GALNT9: variants seen among roughly 807,000 people sequenced by gnomAD.
GALNT9 encodes polypeptide N-acetylgalactosaminyltransferase 9.
GALNT9 carries 47 observed loss-of-function variants against 63.1 expected under a neutral mutation model. The observed-to-expected ratio is 0.75, with a 90% confidence interval of 0.59 to 0.95. The LOEUF (loss-of-function observed/expected upper bound fraction) is 0.95. Among genes scored for constraint, GALNT9 ranks in the 40% least tolerant of loss-of-function variants. The pLI, the probability that GALNT9 is intolerant of heterozygous loss-of-function variation, is 0.00. For missense variants in GALNT9, 829 were observed against 874.8 expected, an observed-to-expected ratio of 0.95 and a Z score of 0.66; for synonymous variants, 396 against 365.7, an observed-to-expected ratio of 1.08 and a Z score of -0.94.
chr12:132,198,038 G>T, intron 9 of GALNT9, 79 bp from the exon 10 acceptor site: 1 of 1,204,496 alleles, frequency 8.3e-7, no homozygotes, highest in Non-Finnish European at 1.2e-6. Flanking sequence ...CGTGCGAGCT[G>T]CCTTGAGCTG....
Position 132,230,805 on chromosome 12 carries a change from G to A in GALNT9, c.1077+17105C>T, listed in dbSNP as rs915794109. ...GGGTAACAGTCCGGGTTAATGGATC[G>A]ATTTATTTTGTTGGTGTTTCAGCCT... On this transcript the variant is annotated intron_variant, in intron 6 of 10. Transcript: ENST00000328957. 5.3e-5 allele frequency among the ~76,000 whole-genome samples: 8 copies of A among 152,328 alleles called. No individual in the cohort carries two copies. The East Asian group carries it at 7.7e-4, about 15-fold the overall frequency.
chr12:132,210,354 G>A (rs116385184), intron 6 of GALNT9, among the ~76,000 whole-genome samples: 4,920 of 152,332 alleles, frequency 0.032, 253 homozygotes, highest in African/African-American at 0.11. Context: ...TGTTCTTCTG[G>A]TCAAGGCAAG....
Position 132,238,586 on chromosome 12 carries a change from G to A in GALNT9, c.1077+9324C>T, listed in dbSNP as rs1878090088. Among the ~76,000 whole-genome samples, 1 of 152,180 alleles carries A rather than the reference G, an allele frequency of 6.6e-6. No homozygotes were observed. The highest frequency in any genetic ancestry group is 1.5e-5 in the Non-Finnish European group (1 of 68,012). ...GCTGCCCTAGGGATGGGGACTCCTG[G>A]CCTGGCTGACCTGCACCTGGGCCAG... On this transcript the variant is annotated intron_variant, in intron 6 of 10. Coordinates refer to ENST00000328957, the MANE Select transcript of GALNT9 (RefSeq NM_001122636.2). This position sits in a 1 kb window ranked among gnomAD's most constrained non-coding sequence, Gnocchi z 6.5.
intron 6 of GALNT9, among the ~76,000 whole-genome samples, chr12:132,227,949 G>A (rs1476029210): frequency 6.6e-6 from 1 of 152,252 alleles, no homozygotes; most frequent in Non-Finnish European, 1.5e-5. Context: ...CCTCCCTGCA[G>A]CCTGGAGGCC....
At position 132,236,308 on chromosome 12, in the gene GALNT9, C is replaced by T. The variant is rs2136894591; in HGVS notation, c.1077+11602G>A. Reference sequence around the variant, plus strand: ...GGCCATGGCCCTGGAGTGGGGGTCGCGGTGGGCCTGGGTCGGGGCCAAGGG... The same window carrying T: ...GGCCATGGCCCTGGAGTGGGGGTCGTGGTGGGCCTGGGTCGGGGCCAAGGG... On this transcript the variant is annotated intron_variant, in intron 6 of 10. Transcript: ENST00000328957. The surrounding 1 kb of genome is among the most constrained non-coding windows in gnomAD (Gnocchi z 5.6). Among the ~76,000 whole-genome samples the T allele has an allele frequency of 3.3e-5, 5 of 152,110 alleles. No homozygotes were observed. The highest frequency in any genetic ancestry group is 2.6e-4 in the Admixed American group (4 of 15,290).
At chr12:132,208,143 T>G (rs564519649) in intron 6 of GALNT9, among the ~76,000 whole-genome samples, 6 of 152,306 alleles carry the variant, frequency 3.9e-5, no homozygotes, top group Admixed American at 3.3e-4. Flanking sequence ...GTTTAACCCC[T>G]CTATAAATTT....
At chr12:132,287,583 C>A (rs531541801) in intron 1 of GALNT9, among the ~76,000 whole-genome samples, 2 of 152,126 alleles carry the variant, frequency 1.3e-5, no homozygotes, top group South Asian at 4.2e-4. Flanking sequence ...CCCGTGTGGC[C>A]GCCGGCGTGA....
intron 6 of GALNT9, among the ~76,000 whole-genome samples, chr12:132,218,159 C>T (rs1877296261): frequency 1.3e-5 from 2 of 152,222 alleles, no homozygotes; most frequent in African/African-American, 2.4e-5. Context: ...TCCATCCACC[C>T]ATCTGCATTA....
At chr12:132,323,766 T>G (rs1359683162) in intron 1 of GALNT9, among the ~76,000 whole-genome samples, 4 of 152,148 alleles carry the variant, frequency 2.6e-5, no homozygotes, top group African/African-American at 9.7e-5. Flanking sequence ...ATTTTTTCAG[T>G]TTTTGTAGTA....
intron 1 of GALNT9, among the ~76,000 whole-genome samples, chr12:132,304,670 GCCTCGCCCGGGCACAC>G (rs1771490890): frequency 7.7e-5 from 1 of 12,942 alleles, no homozygotes; most frequent in Non-Finnish European, 1.5e-4. Context: ...CCCGGGCACA[GCCTCGCCCGGGCACAC>G]CCTCGCCCAG....
In GALNT9 at chr12:132,286,071, C is replaced by T. The variant is rs530658251; in HGVS notation, c.419+179G>A. ...CAGCACGGGGGAGCGCTCACTTTCCCGGCCAGCGTGGGGGGCGGTCACTTC... is the reference window on the plus strand; with the variant it reads ...CAGCACGGGGGAGCGCTCACTTTCCTGGCCAGCGTGGGGGGCGGTCACTTC... On this transcript the variant is annotated intron_variant, in intron 2 of 10. Transcript: ENST00000328957. The surrounding 1 kb of genome is among the most constrained non-coding windows in gnomAD (Gnocchi z 7.4). 6.2e-4 allele frequency among the ~76,000 whole-genome samples: 94 copies of T among 151,734 alleles called. No homozygotes were observed. The highest frequency in any genetic ancestry group is 2.1e-3 in the African/African-American group (87 of 41,382).
chr12:132,313,231 A>G (rs1881879280), intron 1 of GALNT9, among the ~76,000 whole-genome samples: 1 of 111,562 alleles, frequency 9.0e-6, no homozygotes, highest in African/African-American at 3.5e-5. Context: ...CCACCTGCCC[A>G]TCCACCAACT....
chr12:132,309,930 G>C (rs549393989), intron 1 of GALNT9, among the ~76,000 whole-genome samples: 3 of 152,258 alleles, frequency 2.0e-5, no homozygotes, highest in Non-Finnish European at 4.4e-5. Flanking sequence ...GGCAGCGGGC[G>C]CAGGTGAAAC....
intron 10 of GALNT9, 54 bp from the exon 11 acceptor site, chr12:132,197,307 C>G (rs1469331167): frequency 1.9e-5 from 30 of 1,590,128 alleles, no homozygotes; most frequent in Non-Finnish European, 2.6e-5. Flanking sequence ...TGTTCCCCCT[C>G]CCCCCACCTC....
chr12:132,271,192 C>T (rs1206022973), intron 2 of GALNT9, among the ~76,000 whole-genome samples: 4 of 152,032 alleles, frequency 2.6e-5, no homozygotes, highest in South Asian at 2.1e-4. Flanking sequence ...GGCGGTCACA[C>T]GTGAACAGCC....
intron 1 of GALNT9, among the ~76,000 whole-genome samples, chr12:132,288,627 G>A (rs146546162): frequency 0.022 from 3,360 of 151,944 alleles, 44 homozygotes; most frequent in Middle Eastern, 0.092. Flanking sequence ...GATGCCCAGC[G>A]TTGGGGGCAG....
rs1878698449 is a variant in GALNT9 at position 132,246,100 on chromosome 12, G to A, written c.1077+1810C>T. ...CCACAGGGTGAGCATCAGGGGAGACGGTGAGAGAAGCCGACACCCGCGTGG... is the reference window on the plus strand; with the variant it reads ...CCACAGGGTGAGCATCAGGGGAGACAGTGAGAGAAGCCGACACCCGCGTGG... On this transcript the variant is annotated intron_variant, in intron 6 of 10. Coordinates refer to ENST00000328957, the MANE Select transcript of GALNT9 (RefSeq NM_001122636.2). The surrounding 1 kb of genome is among the most constrained non-coding windows in gnomAD (Gnocchi z 4.7). Among the ~76,000 whole-genome samples the A allele has an allele frequency of 6.6e-6, 1 of 152,360 alleles. No homozygotes were observed. The highest frequency in any genetic ancestry group is 2.4e-5 in the African/African-American group (1 of 41,588).
Position 132,252,775 on chromosome 12 carries a change from A to C in GALNT9, c.960-4748T>G, listed in dbSNP as rs1361858221. Among the ~76,000 whole-genome samples the C allele has an allele frequency of 2.6e-5, 4 of 151,912 alleles. No individual in the cohort carries two copies. The highest frequency in any genetic ancestry group is 5.9e-5 in the Non-Finnish European group (4 of 67,954). The stretch of plus-strand genomic sequence containing the variant: ...GCACATGCCTGTAATCCCAGCTACT[A>C]GGGAGGCTGAGGCAGGAGAATCGCT... On this transcript the variant is annotated intron_variant, in intron 5 of 10. Coordinates refer to ENST00000328957, the MANE Select transcript of GALNT9 (RefSeq NM_001122636.2). This position sits in a 1 kb window ranked among gnomAD's most constrained non-coding sequence, Gnocchi z 5.2.
rs1489750543 is a variant in GALNT9, at chr12:132,286,538, A to G, written c.239-108T>C. On this transcript the variant is annotated intron_variant, in intron 1 of 10. Coordinates refer to ENST00000328957, the MANE Select transcript of GALNT9 (RefSeq NM_001122636.2). This position sits in a 1 kb window ranked among gnomAD's most constrained non-coding sequence, Gnocchi z 7.4. ...CCCCGACGGCCGCTTCCCCCGGTAC[A>G]AGCCCAGCAAACTCCCTGCAGATGG... The G allele has an allele frequency of 2.1e-6, 3 of 1,430,326 alleles. No individual in the cohort carries two copies. Among genetic ancestry groups the G allele is most frequent in the African/African-American group, 1.4e-5 (1 of 69,710 alleles). The allele number at this position is 1,430,326 out of a possible 1,614,324, so 88.6% of individuals were successfully genotyped here. A position where few individuals can be genotyped will look rare whatever the true frequency, so the allele number is the denominator to read the frequency against.
Sources: gnomAD v4.1 joint callset for allele counts (sites outside exome capture counted in the v4.1 genomes callset) on GRCh38, gnomAD v4.1.1 for gene constraint, Gnocchi (gnomAD v3.1) non-coding constraint, MANE v1.5 for transcripts, NCBI Gene and HGNC (gene_info 2026-07-23, HGNC 2026-07-21) for gene names.